Variants in MAGI2 observed in about 807,000 individuals in gnomAD.
MAGI2 encodes the protein membrane-associated guanylate kinase, WW and PDZ domain-containing protein 2.
A neutral mutation model predicts 133.3 loss-of-function variants in MAGI2; 35 were observed. The observed-to-expected ratio is 0.26, with a 90% confidence interval of 0.20 to 0.35. The LOEUF (loss-of-function observed/expected upper bound fraction) is 0.35. Ranked by LOEUF, MAGI2 falls within the 10% of genes least tolerant of loss-of-function variation. The pLI is 1.00. For synonymous variants in MAGI2, 729 were observed against 710.6 expected (o/e 1.03, Z -0.41); for missense variants, 1,636 against 1,863.4 (o/e 0.88, Z 2.25).
At chr7:78,695,836 C>T (rs941297690) in intron 2 of MAGI2, among the ~76,000 whole-genome samples, 2 of 152,148 alleles carry the variant, frequency 1.3e-5, no homozygotes, top group African/African-American at 2.4e-5. Flanking sequence ...TTTCTGCTGC[C>T]CCATCAGGAG....
At chr7:78,520,936 G>T (rs753727911) in intron 4 of MAGI2, among the ~76,000 whole-genome samples, 3 of 152,056 alleles carry the variant, frequency 2.0e-5, no homozygotes, top group Non-Finnish European at 2.9e-5. Flanking sequence ...CAGTTGTAGC[G>T]ATTTTGAAAA....
intron 1 of MAGI2, among the ~76,000 whole-genome samples, chr7:79,098,558 C>T (rs1401483525): frequency 6.6e-6 from 1 of 152,156 alleles, no homozygotes; most frequent in Non-Finnish European, 1.5e-5. Context: ...GAGAAGAAAA[C>T]TTCGGAGTGC....
At chr7:79,447,604 T>C (rs931701621) in intron 1 of MAGI2, among the ~76,000 whole-genome samples, 1 of 151,938 alleles carries the variant, frequency 6.6e-6, no homozygotes, top group African/African-American at 2.4e-5. Flanking sequence ...ATACACAGAC[T>C]TACTTATATT....
At chr7:78,179,831 A>G (rs1827019324) in intron 13 of MAGI2, among the ~76,000 whole-genome samples, 1 of 152,196 alleles carries the variant, frequency 6.6e-6, no homozygotes, top group Non-Finnish European at 1.5e-5. Flanking sequence ...CTTACATTCT[A>G]TGAGACACAA....
intron 1 of MAGI2, among the ~76,000 whole-genome samples, chr7:79,259,325 T>C (rs182225308): frequency 2.6e-4 from 40 of 152,340 alleles, no homozygotes; most frequent in African/African-American, 8.4e-4. Context: ...TTAAGCTGAA[T>C]GGCACCTTAT....
intron 2 of MAGI2, among the ~76,000 whole-genome samples, chr7:78,791,426 G>T (rs1017922806): frequency 6.6e-6 from 1 of 151,972 alleles, no homozygotes; most frequent in African/African-American, 2.4e-5. Context: ...AATTACGAAT[G>T]AAAAGATTAT....
intron 3 of MAGI2, chr7:78,615,606 C>A (rs1383352173): frequency 6.6e-6 from 1 of 152,220 alleles, no homozygotes. Context: ...GATCCCAGTG[C>A]CAAAGGGCAG....
In MAGI2 at chr7:79,367,784, T is replaced by C. The variant is rs141689050; in HGVS notation, c.301+85236A>G. ...TTCAAATGACTTTTTGTAAATGTTT[T>C]AACCCAAGACAAAGTTGGATGGATT... On this transcript the variant is annotated intron_variant, in intron 1 of 21. Transcript: ENST00000354212. Among the ~76,000 whole-genome samples the C allele has an allele frequency of 4.8e-3, 708 of 148,956 alleles. 8 individuals carry two copies. Among genetic ancestry groups the C allele is most frequent in the Non-Finnish European group, 7.7e-3 (516 of 67,424 alleles).
chr7:79,319,013 A>G (rs2129561427), intron 1 of MAGI2, among the ~76,000 whole-genome samples: 1 of 152,256 alleles, frequency 6.6e-6, no homozygotes, highest in East Asian at 1.9e-4. Flanking sequence ...TTGCCACTGT[A>G]TCTCAGATTT....
chr7:78,885,640 T>C (rs1424202965), intron 2 of MAGI2, among the ~76,000 whole-genome samples: 1 of 151,898 alleles, frequency 6.6e-6, no homozygotes, highest in African/African-American at 2.4e-5. Flanking sequence ...TGTGTGTGTG[T>C]GTGTGTGTGT....
chr7:78,536,162 G>C (rs1797896119), intron 3 of MAGI2, among the ~76,000 whole-genome samples: 1 of 125,250 alleles, frequency 8.0e-6, no homozygotes, highest in Admixed American at 9.2e-5. Flanking sequence ...GCCCAGGCTG[G>C]AGTGCAGTGG....
intron 21 of MAGI2, among the ~76,000 whole-genome samples, chr7:78,029,957 CA>C (rs1346277589): frequency 6.6e-6 from 1 of 152,178 alleles, no homozygotes; most frequent in East Asian, 1.9e-4. Flanking sequence ...CTAGGGCACT[CA>C]GTCACTTGGA....
intron 1 of MAGI2, among the ~76,000 whole-genome samples, chr7:79,118,948 C>A (rs1412274882): frequency 6.6e-6 from 1 of 152,112 alleles, no homozygotes; most frequent in Non-Finnish European, 1.5e-5. Flanking sequence ...AAATTAGAAG[C>A]AGTAGATTCA....
chr7:78,991,936 C>T (rs923744526), intron 2 of MAGI2, among the ~76,000 whole-genome samples: 4 of 152,032 alleles, frequency 2.6e-5, no homozygotes, highest in African/African-American at 9.7e-5. Context: ...TTCTTTCCTT[C>T]CTACTCTTCT....
At chr7:78,220,016 G>A (rs1788651248) in intron 10 of MAGI2, among the ~76,000 whole-genome samples, 1 of 152,064 alleles carries the variant, frequency 6.6e-6, no homozygotes, top group Non-Finnish European at 1.5e-5. Flanking sequence ...TGTCCTATTT[G>A]CTGCAGAATG....
At chr7:79,211,139 C>T (rs1207158902) in intron 1 of MAGI2, among the ~76,000 whole-genome samples, 1 of 151,992 alleles carries the variant, frequency 6.6e-6, no homozygotes, top group South Asian at 2.1e-4. Flanking sequence ...AATAAAGAGG[C>T]ATGTGTGAAT....
intron 10 of MAGI2, among the ~76,000 whole-genome samples, chr7:78,232,781 C>T (rs1160426165): frequency 6.6e-6 from 1 of 152,092 alleles, no homozygotes; most frequent in Non-Finnish European, 1.5e-5. Flanking sequence ...CCTGAATTCA[C>T]AAGGATAAAT....
intron 1 of MAGI2, among the ~76,000 whole-genome samples, chr7:79,120,224 C>A (rs773086842): frequency 6.6e-6 from 1 of 151,968 alleles, no homozygotes; most frequent in Non-Finnish European, 1.5e-5. Context: ...GTATAAAAGT[C>A]ATGTATGCAA....
chr7:78,151,262 C>G (rs948050470), intron 16 of MAGI2, among the ~76,000 whole-genome samples: 1 of 151,932 alleles, frequency 6.6e-6, no homozygotes, highest in African/African-American at 2.4e-5. Context: ...TAATGTGATA[C>G]AGAAGTTGTT....
Sources: allele counts gnomAD v4.1 joint callset (sites outside exome capture counted in the v4.1 genomes callset), GRCh38; gene constraint gnomAD v4.1.1; transcripts MANE v1.5; gene names NCBI Gene and HGNC (gene_info 2026-07-23, HGNC 2026-07-21).